Variants in RAB3GAP2 observed in about 807,000 individuals in gnomAD.
RAB3GAP2 encodes the protein rab3 GTPase-activating protein non-catalytic subunit.
A neutral mutation model predicts 185.3 loss-of-function variants in RAB3GAP2; 87 were observed. The observed-to-expected ratio is 0.47, with a 90% CI of 0.39 to 0.56. RAB3GAP2 has a LOEUF of 0.56. RAB3GAP2 is among the 20% of genes least tolerant of loss of function. The pLI is 0.00. For missense variants in RAB3GAP2, 1,492 were observed against 1,638.2 expected (o/e 0.91, Z 1.54); for synonymous variants, 554 against 576.1 (o/e 0.96, Z 0.55).
chr1:220,179,783 A>G (rs545804620), intron 21 of RAB3GAP2, among the ~76,000 whole-genome samples: 3 of 152,362 alleles, frequency 2.0e-5, no homozygotes, highest in Admixed American at 6.5e-5. Flanking sequence ...CAAGGAAGCA[A>G]CTAAAAATAA....
rs768486007 is a variant in RAB3GAP2 at position 220,213,971 on chromosome 1, T to C, written c.189A>G (p.Glu63=). 5.6e-6 allele frequency: 9 copies of C among 1,613,402 alleles called. No individual in the cohort carries two copies. The highest frequency in any genetic ancestry group is 6.8e-6 in the Non-Finnish European group (8 of 1,179,528). The change falls in exon 3 of 35, where the codon GAA becomes GAG. Residue 63 remains glutamate, a synonymous_variant. Transcript: ENST00000358951. ...TTTTTTGTGTTTTGCAAGTATTTCC[T>C]TCTTCTTCCTGTGGGTAAAACTACA... ...EENEPQEPEE[E]GNTCKTQKTS...
Position 220,246,914 on chromosome 1 carries a change from T to C in RAB3GAP2, c.116-14051A>G, listed in dbSNP as rs548353033. ...GTGCACATGTATAATAAAAAATAAATAAATAAAAAGAAGAAAAAAAAAGTG... is the reference window on the plus strand; with the variant it reads ...GTGCACATGTATAATAAAAAATAAACAAATAAAAAGAAGAAAAAAAAAGTG... On this transcript the variant is annotated intron_variant, in intron 1 of 34. Transcript: ENST00000358951. Among the ~76,000 whole-genome samples, 135 of 148,714 alleles carry C rather than the reference T, an allele frequency of 9.1e-4. 1 individual carries two copies. Among genetic ancestry groups the C allele is most frequent in the African/African-American group, 3.2e-3 (127 of 40,316 alleles).
intron 1 of RAB3GAP2, chr1:220,253,454 G>A: frequency 1.4e-6 from 2 of 1,474,880 alleles, no homozygotes; most frequent in Non-Finnish European, 1.8e-6. Flanking sequence ...CCAGAACCCA[G>A]GATGTAGAGC....
At chr1:220,202,920 G>A (rs1253840979) in intron 8 of RAB3GAP2, among the ~76,000 whole-genome samples, 1 of 152,188 alleles carries the variant, frequency 6.6e-6, no homozygotes, top group Non-Finnish European at 1.5e-5. Context: ...TCCAGCCCGG[G>A]TAAGAGAGGG....
chr1:220,152,956 CTGTTT>C (rs1239265224), intron 33 of RAB3GAP2, among the ~76,000 whole-genome samples: 4 of 152,162 alleles, frequency 2.6e-5, no homozygotes, highest in African/African-American at 9.7e-5. Context: ...GGAACCTTGT[CTGTTT>C]TGTTTACTGC....
intron 2 of RAB3GAP2, 42 bp from the exon 3 acceptor site, chr1:220,214,021 A>G: frequency 6.2e-7 from 1 of 1,602,548 alleles, no homozygotes; most frequent in East Asian, 2.2e-5. Flanking sequence ...AAAAATACCA[A>G]GAGTATTCAA....
At chr1:220,270,183 A>T (rs1373462422) in intron 1 of RAB3GAP2, among the ~76,000 whole-genome samples, 1 of 152,142 alleles carries the variant, frequency 6.6e-6, no homozygotes, top group Non-Finnish European at 1.5e-5. Context: ...CGCCTTCCTC[A>T]GCTCCGAGGG....
At chr1:220,269,102 T>C (rs898998869) in intron 1 of RAB3GAP2, among the ~76,000 whole-genome samples, 15 of 152,318 alleles carry the variant, frequency 9.8e-5, no homozygotes, top group Admixed American at 2.6e-4. Flanking sequence ...GGGGGTTGTA[T>C]TGACTACTTT....
intron 1 of RAB3GAP2, among the ~76,000 whole-genome samples, chr1:220,259,572 C>A (rs1404790233): frequency 1.3e-5 from 2 of 152,076 alleles, no homozygotes; most frequent in East Asian, 1.9e-4. Flanking sequence ...CCCTTCCTTA[C>A]AACATATACA....
intron 1 of RAB3GAP2, among the ~76,000 whole-genome samples, chr1:220,249,909 G>A (rs1659899223): frequency 6.6e-6 from 1 of 152,182 alleles, no homozygotes; most frequent in Non-Finnish European, 1.5e-5. Context: ...CTAGATTTCT[G>A]AGGATGTATG....
intron 1 of RAB3GAP2, among the ~76,000 whole-genome samples, chr1:220,252,328 T>A (rs1659948912): frequency 6.6e-6 from 1 of 151,930 alleles, no homozygotes; most frequent in African/African-American, 2.4e-5. Context: ...TACAAATAAA[T>A]AAAATTCCCA....
At chr1:220,188,931 A>G (rs925240307) in intron 17 of RAB3GAP2, among the ~76,000 whole-genome samples, 10 of 152,232 alleles carry the variant, frequency 6.6e-5, no homozygotes, top group Non-Finnish European at 2.9e-5. Context: ...CTAAAGTCAC[A>G]GAAGACATAG....
chr1:220,186,472 G>C (rs574551207), intron 17 of RAB3GAP2, among the ~76,000 whole-genome samples: 3 of 152,284 alleles, frequency 2.0e-5, no homozygotes, highest in African/African-American at 7.2e-5. Context: ...GGCTTAGAGG[G>C]TGGCTCAAGA....
At chr1:220,222,680 T>C (rs1659328626) in intron 2 of RAB3GAP2, among the ~76,000 whole-genome samples, 4 of 152,254 alleles carry the variant, frequency 2.6e-5, no homozygotes, top group African/African-American at 9.6e-5. Context: ...GGATTAATTC[T>C]GCCATTTATT....
rs1571886589 is a variant in RAB3GAP2 at position 220,182,177 on chromosome 1, G to C, written c.2310+80C>G. On this transcript the variant is annotated intron_variant, in intron 21 of 34. Coordinates refer to ENST00000358951, the MANE Select transcript of RAB3GAP2 (RefSeq NM_012414.4). ...TTCTGTGATATCCTAAAAGACAATA[G>C]TTAAAAAAAAAAAGAAGACTGACAC... is the stretch of plus-strand genomic sequence containing the variant. 1.6e-5 allele frequency: 25 copies of C among 1,585,260 alleles called. 1 individual carries two copies. In the South Asian group the frequency reaches 2.9e-4, roughly 19 times the overall value.
intron 2 of RAB3GAP2, among the ~76,000 whole-genome samples, chr1:220,226,308 A>C (rs557959459): frequency 7.2e-5 from 11 of 152,172 alleles, no homozygotes; most frequent in Non-Finnish European, 1.5e-4. Context: ...AAGCCTTTCA[A>C]GCTTCTTCCC....
At chr1:220,224,918 A>G (rs942110506) in intron 2 of RAB3GAP2, among the ~76,000 whole-genome samples, 1 of 152,146 alleles carries the variant, frequency 6.6e-6, no homozygotes, top group Non-Finnish European at 1.5e-5. Context: ...TAAAAGCAGG[A>G]GGCTTGGTTG....
intron 31 of RAB3GAP2, among the ~76,000 whole-genome samples, chr1:220,155,014 C>T (rs908960052): frequency 2.0e-5 from 3 of 152,278 alleles, no homozygotes; most frequent in South Asian, 2.1e-4. Flanking sequence ...CATGAGCCAC[C>T]GCGCCCAGCC....
At position 220,150,742 on chromosome 1, in the gene RAB3GAP2, C is replaced by T. The variant is rs1046907825; in HGVS notation, c.*509G>A. ...CAGAACCTCTGGGAAAGGAACCTTT[C>T]GGTATCCAGAACTCCCAGGTGGCAG... On this transcript the variant is annotated 3_prime_UTR_variant, in exon 35 of 35. Transcript: ENST00000358951. 4.5e-5 allele frequency: 7 copies of T among 156,588 alleles called. No individual in the cohort carries two copies. The highest frequency in any genetic ancestry group is 9.8e-5 in the Non-Finnish European group (7 of 71,164). The allele number at this position is 156,588 out of a possible 1,614,324, so 9.7% of individuals were successfully genotyped here.
Sources: allele counts gnomAD v4.1 joint callset (sites outside exome capture counted in the v4.1 genomes callset), GRCh38; gene constraint gnomAD v4.1.1; transcripts MANE v1.5; gene names NCBI Gene and HGNC (gene_info 2026-07-23, HGNC 2026-07-21).